LPP: variants seen among roughly 807,000 people sequenced by gnomAD.
LPP encodes lipoma-preferred partner.
Under a neutral mutation model 60.4 loss-of-function variants are expected in LPP, and 38 were observed. The ratio of observed to expected loss-of-function variants is 0.63; its 90% CI spans 0.49 to 0.83. The LOEUF is 0.83. Ranked by LOEUF, LPP falls within the 40% of genes least tolerant of loss-of-function variation. The probability of loss-of-function intolerance (pLI) is 0.00; values close to 1 mark genes in which losing one functional copy is unlikely to be tolerated. For missense variants in LPP, 902 were observed against 783.6 expected (o/e 1.15, Z -1.80); for synonymous variants, 328 against 290.8 (o/e 1.13, Z -1.30).
chr3:188,476,628 A>C (rs1560453657), intron 4 of LPP, among the ~76,000 whole-genome samples: 1 of 152,184 alleles, frequency 6.6e-6, no homozygotes, highest in Admixed American at 6.5e-5. Flanking sequence ...CAATATTTTT[A>C]ATCTTAGTCC....
intron 7 of LPP, among the ~76,000 whole-genome samples, chr3:188,639,382 C>CTT (rs1481485354): frequency 1.3e-5 from 2 of 151,140 alleles, no homozygotes; most frequent in Non-Finnish European, 3.0e-5. Context: ...GGATTAAAGA[C>CTT]TTAAATGTTA....
intron 2 of LPP, among the ~76,000 whole-genome samples, chr3:188,334,477 G>A (rs563830397): frequency 6.2e-5 from 8 of 129,924 alleles, no homozygotes; most frequent in Non-Finnish European, 1.1e-4. Context: ...AGGCTGGAGT[G>A]CAGTGGTGCT....
intron 2 of LPP, among the ~76,000 whole-genome samples, chr3:188,277,564 C>T (rs1367587946): frequency 4.6e-5 from 7 of 152,080 alleles, no homozygotes; most frequent in African/African-American, 1.7e-4. Context: ...AAGAATAAAA[C>T]CTGCTAATAA....
At chr3:188,426,482 G>A (rs1789372947) in intron 4 of LPP, among the ~76,000 whole-genome samples, 1 of 152,146 alleles carries the variant, frequency 6.6e-6, no homozygotes, top group South Asian at 2.1e-4. Flanking sequence ...TTGGTCTAGA[G>A]CTGAGTTGAA....
At chr3:188,810,822 C>CT (rs1459947773) in intron 9 of LPP, among the ~76,000 whole-genome samples, 1 of 152,014 alleles carries the variant, frequency 6.6e-6, no homozygotes, top group South Asian at 2.1e-4. Context: ...AGTGGTGCTC[C>CT]TTTCATTTTC....
At chr3:188,248,178 T>G (rs1209033336) in intron 2 of LPP, among the ~76,000 whole-genome samples, 2 of 152,022 alleles carry the variant, frequency 1.3e-5, no homozygotes, top group African/African-American at 4.8e-5. Context: ...AACCGAAAAT[T>G]CACCCAAACA....
intron 6 of LPP, among the ~76,000 whole-genome samples, chr3:188,607,402 TA>T (rs1560628716): frequency 0.34 from 24,089 of 69,956 alleles, 3,908 homozygotes; most frequent in Non-Finnish European, 0.44. Flanking sequence ...TATATATATA[TA>T]TATATATATA....
intron 1 of LPP, among the ~76,000 whole-genome samples, chr3:188,176,007 T>TGAA (rs1722939108): frequency 6.6e-6 from 1 of 152,160 alleles, no homozygotes; most frequent in Admixed American, 6.6e-5. Flanking sequence ...CCCAAGTTCA[T>TGAA]GCCAGATCAA....
rs1046391118 is a variant in LPP at position 188,543,396 on chromosome 3, T to C, written c.429+18609T>C. The stretch of plus-strand genomic sequence containing the variant: ...TTGTTCTTGGTGAGACAGGAATCTG[T>C]ATATAGCTTAGCTGGACCACCAACT... On this transcript the variant is annotated intron_variant, in intron 6 of 11. Coordinates refer to ENST00000617246, the MANE Select transcript of LPP (RefSeq NM_001375462.1). Among the ~76,000 whole-genome samples the C allele has an allele frequency of 2.0e-5, 3 of 152,184 alleles. No homozygotes were observed. The East Asian group carries it at 5.8e-4, about 29-fold the overall frequency.
At chr3:188,749,967 A>G in intron 8 of LPP, among the ~76,000 whole-genome samples, 1 of 152,162 alleles carries the variant, frequency 6.6e-6, no homozygotes. Context: ...GAGACTGGGT[A>G]ATTTATAAAG....
intron 7 of LPP, among the ~76,000 whole-genome samples, chr3:188,667,647 T>C (rs1856087652): frequency 6.7e-6 from 1 of 149,998 alleles, no homozygotes; most frequent in East Asian, 2.0e-4. Flanking sequence ...TAGAACTTGG[T>C]ATTCTCAACC....
intron 9 of LPP, among the ~76,000 whole-genome samples, chr3:188,813,349 G>T (rs190428625): frequency 6.6e-6 from 1 of 152,156 alleles, no homozygotes; most frequent in Non-Finnish European, 1.5e-5. Flanking sequence ...GCCATTTATT[G>T]TACTGAGTAT....
chr3:188,862,594 G>A (rs1205732791), intron 9 of LPP, among the ~76,000 whole-genome samples: 1 of 151,568 alleles, frequency 6.6e-6, no homozygotes, highest in Admixed American at 6.6e-5. Context: ...ATGGGACCAC[G>A]ATGGAGCTGG....
intron 3 of LPP, among the ~76,000 whole-genome samples, chr3:188,390,149 A>G (rs539075191): frequency 2.7e-4 from 41 of 152,262 alleles, no homozygotes; most frequent in African/African-American, 9.9e-4. Context: ...TGCCACAGTC[A>G]CAGGCCTGCT....
intron 2 of LPP, among the ~76,000 whole-genome samples, chr3:188,244,778 G>A (rs1232729714): frequency 6.6e-6 from 1 of 152,084 alleles, no homozygotes; most frequent in Admixed American, 6.6e-5. Context: ...ACACTGCCTG[G>A]TGTCTACTCA....
chr3:188,884,870 A>G lies in LPP; in HGVS notation c.*10391A>G, dbSNP rs1770481117. ...GATAGAGCCGATCCATGAGCTAACA[A>G]TGTCTGAAAACAAATGTTATGGAAC... On this transcript the variant is annotated 3_prime_UTR_variant, in exon 12 of 12. Transcript: ENST00000617246. 2 of 224,874 alleles carry G rather than the reference A, an allele frequency of 8.9e-6. No homozygotes were observed. Among genetic ancestry groups the G allele is most frequent in the African/African-American group, 2.2e-5 (1 of 44,856 alleles). The allele number at this position is 224,874 out of a possible 1,614,324, so 13.9% of individuals were successfully genotyped here.
chr3:188,550,577 CAA>C (rs67052080), intron 6 of LPP, among the ~76,000 whole-genome samples: 4 of 66,904 alleles, frequency 6.0e-5, no homozygotes, highest in South Asian at 1.3e-3. Context: ...GACTCCATCT[CAA>C]AAAAAAAAAA....
intron 6 of LPP, among the ~76,000 whole-genome samples, chr3:188,580,981 T>C (rs1462705400): frequency 1.3e-5 from 2 of 152,064 alleles, no homozygotes. Flanking sequence ...AACCAGGTTA[T>C]CTAGTGTACT....
chr3:188,851,704 A>G (rs1762716184), intron 9 of LPP, among the ~76,000 whole-genome samples: 1 of 152,240 alleles, frequency 6.6e-6, no homozygotes, highest in African/African-American at 2.4e-5. Context: ...AGAAACATCA[A>G]TTTAAAAATG....
Sources: allele counts gnomAD v4.1 joint callset (sites outside exome capture counted in the v4.1 genomes callset), GRCh38; gene constraint gnomAD v4.1.1; transcripts MANE v1.5; gene names NCBI Gene and HGNC (gene_info 2026-07-23, HGNC 2026-07-21).